The following AGBL1 variants were observed in gnomAD, a reference collection of about 807,000 sequenced individuals.
The protein encoded by AGBL1 is cytosolic carboxypeptidase 4.
AGBL1 carries 130 observed loss-of-function variants against 118.9 expected under a neutral mutation model. The ratio of observed to expected loss-of-function variants is 1.09; its 90% CI spans 0.95 to 1.26. The LOEUF (loss-of-function observed/expected upper bound fraction) is 1.26, where lower values mean the gene tolerates loss of function less well. AGBL1 is among the 50% of genes most tolerant of loss of function. The pLI is 0.00. For missense variants in AGBL1, 1,584 were observed against 1,298.1 expected (o/e 1.22, Z -3.38); for synonymous variants, 555 against 478.9 (o/e 1.16, Z -2.08).
chr15:86,734,524 G>T (rs906779234), intron 22 of AGBL1, among the ~76,000 whole-genome samples: 2 of 152,102 alleles, frequency 1.3e-5, no homozygotes, highest in African/African-American at 2.4e-5. Flanking sequence ...TCTGCAAGAG[G>T]TGAGAGATGA....
chr15:86,271,544 G>A lies in AGBL1; in HGVS notation c.1988-75G>A. 3 of 1,112,488 alleles carry A rather than the reference G, an allele frequency of 2.7e-6. No individual in the cohort carries two copies. The Admixed American group carries it at 5.1e-5, about 19-fold the overall frequency. 68.9% of individuals were successfully genotyped at this position (1,112,488 alleles called of 1,614,324 possible). On this transcript the variant is annotated intron_variant, in intron 14 of 22. Transcript: ENST00000614907. Reference sequence around the variant, plus strand: ...AGTTTCCAGGGATTAAGACCTATGTGTATGTGGGGGTCATTATTTGGCCCA... The same window carrying A: ...AGTTTCCAGGGATTAAGACCTATGTATATGTGGGGGTCATTATTTGGCCCA...
At chr15:86,253,239 C>T (rs1441812911) in intron 7 of AGBL1, among the ~76,000 whole-genome samples, 5 of 152,034 alleles carry the variant, frequency 3.3e-5, no homozygotes, top group Non-Finnish European at 7.4e-5. Context: ...AATTTTACTT[C>T]CATCAACTTT....
chr15:86,662,455 G>C (rs117915848), intron 21 of AGBL1, among the ~76,000 whole-genome samples: 134 of 152,284 alleles, frequency 8.8e-4, no homozygotes, highest in African/African-American at 3.2e-3. Context: ...CAGAAAGTTG[G>C]GATTTAGATC....
At chr15:86,794,630 T>C (rs1482504380) in intron 22 of AGBL1, among the ~76,000 whole-genome samples, 2 of 152,000 alleles carry the variant, frequency 1.3e-5, no homozygotes, top group African/African-American at 4.8e-5. Flanking sequence ...AATTTTACTT[T>C]GATGAAACAA....
chr15:86,490,907 C>G (rs2082769693), intron 18 of AGBL1, among the ~76,000 whole-genome samples: 1 of 152,100 alleles, frequency 6.6e-6, no homozygotes, highest in Non-Finnish European at 1.5e-5. Context: ...GTCTCTTCCT[C>G]TAGGAAATCT....
intron 18 of AGBL1, among the ~76,000 whole-genome samples, chr15:86,436,593 A>C (rs536961378): frequency 1.3e-5 from 2 of 152,280 alleles, no homozygotes; most frequent in Non-Finnish European, 2.9e-5. Context: ...AAGCATTGTA[A>C]ATAGAGTGAC....
At chr15:87,004,124 C>T (rs570245799) in intron 24 of AGBL1, among the ~76,000 whole-genome samples, 1 of 152,312 alleles carries the variant, frequency 6.6e-6, no homozygotes, top group East Asian at 1.9e-4. Flanking sequence ...TTTCCCTCTA[C>T]ACACTGCTTT....
chr15:86,610,073 T>C (rs2084635886), intron 21 of AGBL1, among the ~76,000 whole-genome samples: 1 of 152,180 alleles, frequency 6.6e-6, no homozygotes, highest in Non-Finnish European at 1.5e-5. Flanking sequence ...ACTTTTAATG[T>C]CTCTTAGGGG....
intron 22 of AGBL1, among the ~76,000 whole-genome samples, chr15:86,751,637 G>A (rs1160308243): frequency 6.6e-6 from 1 of 152,138 alleles, no homozygotes; most frequent in African/African-American, 2.4e-5. Flanking sequence ...ATTGATCAGT[G>A]TAGGAGTAGA....
At chr15:86,336,996 T>G (rs1191814130) in intron 17 of AGBL1, among the ~76,000 whole-genome samples, 2 of 152,198 alleles carry the variant, frequency 1.3e-5, no homozygotes, top group African/African-American at 4.8e-5. Context: ...TCTAGAGTGT[T>G]AGGAAGCACT....
intron 23 of AGBL1, among the ~76,000 whole-genome samples, chr15:86,974,895 G>A (rs1027961772): frequency 3.3e-5 from 5 of 152,040 alleles, no homozygotes; most frequent in South Asian, 2.1e-4. Flanking sequence ...TTATTTTGAA[G>A]TTCCTGAGTG....
At chr15:86,718,387 G>T (rs990677689) in intron 22 of AGBL1, among the ~76,000 whole-genome samples, 1 of 152,178 alleles carries the variant, frequency 6.6e-6, no homozygotes. Flanking sequence ...GGGGCCTCGT[G>T]GGGTGGGTGT....
intron 18 of AGBL1, among the ~76,000 whole-genome samples, chr15:86,449,896 G>T (rs6496334): frequency 0.66 from 100,369 of 151,920 alleles, 34,900 homozygotes; most frequent in East Asian, 0.87. Context: ...TGGCTCTGTA[G>T]GCAGAGAAAT....
rs891866083 is a variant in AGBL1 at position 86,455,472 on chromosome 15, G to GT, written c.2555+57933dup. Among the ~76,000 whole-genome samples the GT allele has an allele frequency of 1.6e-4, 24 of 151,896 alleles. 1 individual carries two copies. Among genetic ancestry groups the GT allele is most frequent in the Non-Finnish European group, 2.4e-4 (16 of 67,960 alleles). On this transcript the variant is annotated intron_variant, in intron 18 of 22. Coordinates refer to ENST00000614907, the MANE Select transcript of AGBL1 (RefSeq NM_001386094.1). ...ATCCTGCTTCCCAATTGGTTGGGTT[G>GT]TTTTTTTAATGTAAAATTGTTATGA...
rs561135221 is a variant in AGBL1, at chr15:86,206,163, A to G, written c.489-18751A>G. ...GAACTCATCCTTTTTTTATGGCTGCATAGTATTCCATAGTGTATATTTGCC... is the reference window on the plus strand; with the variant it reads ...GAACTCATCCTTTTTTTATGGCTGCGTAGTATTCCATAGTGTATATTTGCC... On this transcript the variant is annotated intron_variant, in intron 5 of 22. Transcript: ENST00000614907. 2.2e-4 allele frequency among the ~76,000 whole-genome samples: 33 copies of G among 152,288 alleles called. No homozygotes were observed. The South Asian group carries it at 6.6e-3, about 31-fold the overall frequency.
intron 5 of AGBL1, among the ~76,000 whole-genome samples, chr15:86,187,376 A>G (rs1048480425): frequency 6.6e-6 from 1 of 152,188 alleles, no homozygotes; most frequent in Non-Finnish European, 1.5e-5. Flanking sequence ...CTGACTTGAA[A>G]CTTCTCTGCC....
chr15:86,878,212 C>T (rs2079840771), intron 22 of AGBL1, among the ~76,000 whole-genome samples: 1 of 152,156 alleles, frequency 6.6e-6, no homozygotes, highest in Admixed American at 6.5e-5. Flanking sequence ...GGTTTTGTTC[C>T]TGGGCTGGGC....
intron 18 of AGBL1, among the ~76,000 whole-genome samples, chr15:86,479,957 C>T (rs1023074274): frequency 2.6e-4 from 39 of 152,178 alleles, no homozygotes; most frequent in African/African-American, 8.9e-4. Flanking sequence ...AAGCTGGAAA[C>T]CATCATTCTC....
chr15:86,389,054 C>T (rs780226283), intron 17 of AGBL1, among the ~76,000 whole-genome samples: 89 of 151,808 alleles, frequency 5.9e-4, no homozygotes, highest in Non-Finnish European at 2.8e-4. Context: ...AGAAATGTAT[C>T]GGTAATAACT....
Sources: gnomAD v4.1 joint callset for allele counts (sites outside exome capture counted in the v4.1 genomes callset) on GRCh38, gnomAD v4.1.1 for gene constraint, MANE v1.5 for transcripts, NCBI Gene and HGNC (gene_info 2026-07-23, HGNC 2026-07-21) for gene names.